The following E2F8 variants were observed in gnomAD, a reference collection of about 807,000 sequenced individuals.
The protein encoded by E2F8 is E2F transcription factor 8.
A neutral mutation model predicts 80.8 loss-of-function variants in E2F8; 35 were observed. The observed-to-expected ratio is 0.43, with a 90% CI of 0.33 to 0.57. The LOEUF (loss-of-function observed/expected upper bound fraction) is 0.57. Ranked by LOEUF, E2F8 falls within the 20% of genes least tolerant of loss-of-function variation. E2F8 has a pLI of 0.04. For synonymous variants in E2F8, 386 were observed against 395.0 expected, an observed-to-expected ratio of 0.98 and a Z score of 0.27; for missense variants, 975 against 1,056.2, an observed-to-expected ratio of 0.92 and a Z score of 1.07.
chr11:19,238,458 A>T (rs1851580446), intron 2 of E2F8, among the ~76,000 whole-genome samples: 1 of 152,262 alleles, frequency 6.6e-6, no homozygotes, highest in African/African-American at 2.4e-5. Context: ...AGAGAAGCAA[A>T]GACAGTATAG....
In E2F8 at chr11:19,232,352, A is replaced by G. The variant is rs756816381; in HGVS notation, c.948T>C (p.Tyr316=). The change falls in exon 7 of 13, where the codon TAT becomes TAC. Residue 316 remains tyrosine (Y), a synonymous_variant. Coordinates refer to ENST00000250024, the MANE Select transcript of E2F8 (RefSeq NM_024680.4). ...SKFKTKIRRL[Y]DIANVLSSLD... The stretch of plus-strand genomic sequence containing the variant: ...GGCTACTCAGAACATTAGCTATATC[A>G]TACAACCTCCTAATTTTTGCTGGGA... 3.1e-6 allele frequency: 5 copies of G among 1,612,236 alleles called. No homozygotes were observed. Among genetic ancestry groups the G allele is most frequent in the Non-Finnish European group, 4.2e-6 (5 of 1,179,400 alleles).
rs754867099 is a variant in E2F8 at position 19,225,319 on chromosome 11, C to A, written c.2323G>T (p.Ala775Ser). The A allele has an allele frequency of 7.4e-6, 12 of 1,614,090 alleles. No individual in the cohort carries two copies. Among genetic ancestry groups the A allele is most frequent in the Non-Finnish European group, 1.0e-5 (12 of 1,180,060 alleles). The change falls in exon 12 of 13, where the codon GCA becomes TCA. Residue 775 changes from alanine (A) to serine (S), a missense_variant. Ala to Ser is a moderately conservative substitution (Grantham distance 99). Transcript: ENST00000250024. ...GTGGCCCTTCCTTGCTGAGTGCCTG[C>A]ATTTTCTGGTGCGACATTAACAGAC... The part of the protein sequence containing the change: ...IESVNVAPEN[A>S]GTQQGRATNY...
Position 19,224,757 on chromosome 11 carries a change from GC to G in E2F8, c.2504del (p.Ser835ThrfsTer15), listed in dbSNP as rs1324458919. On this transcript the variant is annotated frameshift_variant, in exon 13 of 13. Transcript: ENST00000250024. LOFTEE classifies it high-confidence loss of function. ...RTPGGPTKPT[S>X]SSCMDFEGAN... ...CACCCTCAAAATCCATGCAGGATGA[GC>G]TGGTTGGCTTGGTGGGTCCACCTGG... 5.0e-6 allele frequency: 8 copies of G among 1,614,206 alleles called. No homozygotes were observed. The highest frequency in any genetic ancestry group is 6.8e-6 in the Non-Finnish European group (8 of 1,180,048).
At chr11:19,232,513 T>C (rs911105253) in intron 6 of E2F8, 142 bp from the exon 7 acceptor site, 2 of 636,084 alleles carry the variant, frequency 3.1e-6, no homozygotes, top group Non-Finnish European at 5.0e-6. Context: ...TTTTAAGTTC[T>C]TCTGGTGATA....
At position 19,232,340 on chromosome 11, in the gene E2F8, A is replaced by G. The variant is rs1419596818; in HGVS notation, c.960T>C (p.Asn320=). ...TKIRRLYDIA[N]VLSSLDLIKK... ...TGATAAGATCCAGGCTACTCAGAACATTAGCTATATCATACAACCTCCTAA... is the reference window on the plus strand; with the variant it reads ...TGATAAGATCCAGGCTACTCAGAACGTTAGCTATATCATACAACCTCCTAA... The change falls in exon 7 of 13, where the codon AAT becomes AAC. Residue 320 remains asparagine (N), a synonymous_variant. Coordinates refer to ENST00000250024, the MANE Select transcript of E2F8 (RefSeq NM_024680.4). 1.2e-6 allele frequency: 2 copies of G among 1,614,038 alleles called. No homozygotes were observed. The highest frequency in any genetic ancestry group is 1.7e-5 in the Admixed American group (1 of 60,012).
chr11:19,240,375 A>T (rs893069350), intron 1 of E2F8, 145 bp from the exon 2 acceptor site: 3 of 295,804 alleles, frequency 1.0e-5, no homozygotes, highest in African/African-American at 2.1e-5. Flanking sequence ...TCGACCAGAG[A>T]TCGCCCCACT....
chr11:19,232,120 T>A, intron 7 of E2F8, 114 bp downstream of exon 7: 1 of 1,440,928 alleles, frequency 6.9e-7, no homozygotes, highest in Non-Finnish European at 9.4e-7. Flanking sequence ...AAGTGGGAGT[T>A]GAACAATGAG....
At position 19,235,024 on chromosome 11, in the gene E2F8, G is replaced by A. The variant is rs1395265796; in HGVS notation, c.486C>T (p.Asn162=). The change falls in exon 5 of 13, where the codon AAC becomes AAT. Residue 162 remains asparagine, a synonymous_variant. Transcript: ENST00000250024. ...TCACCATATGTAAACTCTCTAGGAC[G>A]TTCACGATATCGTAAATGCGTCGAC... ...VERRRIYDIV[N]VLESLHMVSR... is the part of the protein sequence containing the mutation. 1.9e-6 allele frequency: 3 copies of A among 1,609,968 alleles called. No homozygotes were observed. The highest frequency in any genetic ancestry group is 1.1e-5 in the South Asian group (1 of 90,382).
At chr11:19,240,396 C>A (rs556392312) in intron 1 of E2F8, among the ~76,000 whole-genome samples, 152 bp downstream of exon 1, 1 of 152,290 alleles carries the variant, frequency 6.6e-6, no homozygotes, top group South Asian at 2.1e-4. Context: ...GAGCGGAGAA[C>A]GCCAACAAAT....
chr11:19,226,412 C>A (rs761813053), intron 10 of E2F8, among the ~76,000 whole-genome samples: 3 of 152,190 alleles, frequency 2.0e-5, no homozygotes, highest in Non-Finnish European at 4.4e-5. Context: ...CCTTAAAATT[C>A]TCCAAGTGGG....
chr11:19,235,223 G>C (rs1291951852), intron 4 of E2F8, among the ~76,000 whole-genome samples, 165 bp from the exon 5 acceptor site: 1 of 152,180 alleles, frequency 6.6e-6, no homozygotes, highest in Non-Finnish European at 1.5e-5. Flanking sequence ...AAAGACATGT[G>C]CTTGCTTTCC....
chr11:19,231,530 G>A (rs181110432), intron 7 of E2F8, among the ~76,000 whole-genome samples: 6 of 152,280 alleles, frequency 3.9e-5, no homozygotes, highest in Middle Eastern at 3.4e-3. Context: ...CATGGCCCAC[G>A]TTCTTGTCAT....
chr11:19,235,376 C>T (rs7939134), intron 4 of E2F8, among the ~76,000 whole-genome samples: 19 of 152,272 alleles, frequency 1.2e-4, no homozygotes, highest in African/African-American at 3.6e-4. Context: ...AGGCCGGGTG[C>T]GGTGGCTCAC....
Position 19,224,433 on chromosome 11 carries a change from T to C in E2F8, c.*225A>G. ...AGTTCAACATTTTACTTTTATTTTG[T>C]AGGATTGAAAGCTAAACTTAGCTTT... On this transcript the variant is annotated 3_prime_UTR_variant, in exon 13 of 13. Coordinates refer to ENST00000250024, the MANE Select transcript of E2F8 (RefSeq NM_024680.4). 1 of 411,026 alleles carries C rather than the reference T, an allele frequency of 2.4e-6. No homozygotes were observed. The highest frequency in any genetic ancestry group is 4.0e-5 in the East Asian group (1 of 25,184). 25.5% of individuals were successfully genotyped at this position (411,026 alleles called of 1,614,324 possible). A position where few individuals can be genotyped will look rare whatever the true frequency, so the allele number is the denominator to read the frequency against.
rs75003390 is a variant in E2F8, at chr11:19,224,438, T to C, written c.*220A>G. The stretch of plus-strand genomic sequence containing the variant: ...AACATTTTACTTTTATTTTGTAGGA[T>C]TGAAAGCTAAACTTAGCTTTATACA... On this transcript the variant is annotated 3_prime_UTR_variant, in exon 13 of 13. Coordinates refer to ENST00000250024, the MANE Select transcript of E2F8 (RefSeq NM_024680.4). 2,319 of 423,768 alleles carry C rather than the reference T, an allele frequency of 5.5e-3. 42 individuals carry two copies. Among genetic ancestry groups the C allele is most frequent in the African/African-American group, 0.041 (2,030 of 49,576 alleles). The allele number at this position is 423,768 out of a possible 1,614,324, so 26.3% of individuals were successfully genotyped here.
intron 10 of E2F8, among the ~76,000 whole-genome samples, chr11:19,227,097 G>T (rs568363847): frequency 6.6e-6 from 1 of 152,118 alleles, no homozygotes; most frequent in South Asian, 2.1e-4. Flanking sequence ...GCTAAAAACC[G>T]CTCTTATAAA....
At chr11:19,224,863 A>G (rs1837177589) in intron 12 of E2F8, 23 bp from the exon 13 acceptor site, 1 of 1,613,298 alleles carries the variant, frequency 6.2e-7, no homozygotes, top group Non-Finnish European at 8.5e-7. Flanking sequence ...AGAAGAATGG[A>G]CAAAAGAAGT....
rs2133585533 is a variant in E2F8, at chr11:19,240,608, C to A, written c.-170G>T. The A allele has an allele frequency of 6.6e-6, 1 of 152,428 alleles. No homozygotes were observed. The highest frequency in any genetic ancestry group is 2.1e-4 in the South Asian group (1 of 4,820). 9.4% of individuals were successfully genotyped at this position (152,428 alleles called of 1,614,324 possible). A position where few individuals can be genotyped will look rare whatever the true frequency, so the allele number is the denominator to read the frequency against. The stretch of plus-strand genomic sequence containing the variant: ...AGCCCAGGTCCCAGCTGAGCGCACG[C>A]GACCCCAAGTAACTGGGTACAAGTC... On this transcript the variant is annotated 5_prime_UTR_variant, in exon 1 of 13. Transcript: ENST00000250024.
intron 8 of E2F8, 62 bp downstream of exon 8, chr11:19,230,569 C>A: frequency 3.8e-6 from 6 of 1,560,078 alleles, no homozygotes; most frequent in Non-Finnish European, 4.4e-6. Context: ...ATCAAGTAAG[C>A]TGAAAAAATG....
Sources: allele counts gnomAD v4.1 joint callset (sites outside exome capture counted in the v4.1 genomes callset), GRCh38; gene constraint gnomAD v4.1.1; transcripts MANE v1.5; gene names NCBI Gene and HGNC (gene_info 2026-07-23, HGNC 2026-07-21).